Variants in CFAP74 observed in about 807,000 individuals in gnomAD.
CFAP74 encodes the protein cilia and flagella associated protein 74.
In CFAP74, 124 loss-of-function variants were observed where a neutral mutation model predicts 188.9. That is an observed-to-expected ratio of 0.66 (90% CI 0.57 to 0.76). The LOEUF (loss-of-function observed/expected upper bound fraction) is 0.76, where lower values mean the gene tolerates loss of function less well. Ranked by LOEUF, CFAP74 falls within the 30% of genes least tolerant of loss-of-function variation. The pLI is 0.00. For synonymous variants in CFAP74, 956 were observed against 916.7 expected (o/e 1.04, Z -0.77); for missense variants, 2,198 against 2,165.2 (o/e 1.02, Z -0.30).
chr1:1,929,506 C>T (rs1351120925), intron 26 of CFAP74, among the ~76,000 whole-genome samples: 2 of 144,958 alleles, frequency 1.4e-5, no homozygotes, highest in Admixed American at 6.9e-5. Flanking sequence ...GAGTGGCTTT[C>T]GCTAAGTTGA....
chr1:1,985,936 C>T (rs1187535290), intron 5 of CFAP74, among the ~76,000 whole-genome samples: 1 of 152,258 alleles, frequency 6.6e-6, no homozygotes, highest in Non-Finnish European at 1.5e-5. Context: ...GACCACTTCC[C>T]GGGCGGTGGG....
At chr1:1,972,901 G>T in intron 8 of CFAP74, 36 bp downstream of exon 8, 1 of 1,317,700 alleles carries the variant, frequency 7.6e-7, no homozygotes, top group Non-Finnish European at 1.1e-6. Context: ...CCGTATTCTT[G>T]GGTTTCTCCT....
intron 6 of CFAP74, among the ~76,000 whole-genome samples, chr1:1,974,448 G>A (rs1011512775): frequency 1.3e-5 from 2 of 152,188 alleles, no homozygotes; most frequent in African/African-American, 4.8e-5. Flanking sequence ...ACTCCCGCGT[G>A]CCACCTGCCG....
chr1:1,973,171 G>T lies in CFAP74; in HGVS notation c.675-124C>A, dbSNP rs963961411. The T allele has an allele frequency of 1.5e-6, 1 of 664,260 alleles. No homozygotes were observed. Among genetic ancestry groups the T allele is most frequent in the Non-Finnish European group, 2.6e-6 (1 of 388,008 alleles). 41.1% of individuals were successfully genotyped at this position (664,260 alleles called of 1,614,324 possible). ...GGGCCCTTTCGCTCAGCTCTGTCCC[G>T]CACAGCCTCCCTTGGGGAGGAGCGA... On this transcript the variant is annotated intron_variant, in intron 7 of 38. Coordinates refer to ENST00000682832, the MANE Select transcript of CFAP74 (RefSeq NM_001304360.2). This position sits in a 1 kb window ranked among gnomAD's most constrained non-coding sequence, Gnocchi z 6.2.
chr1:1,989,208 G>T (rs973158668), intron 2 of CFAP74, among the ~76,000 whole-genome samples: 1 of 152,100 alleles, frequency 6.6e-6, no homozygotes, highest in East Asian at 1.9e-4. Flanking sequence ...GACGGACAGC[G>T]GGGAGCAAGG....
At chr1:1,981,754 C>T (rs868194929) in intron 6 of CFAP74, among the ~76,000 whole-genome samples, 1,105 of 64,918 alleles carry the variant, frequency 0.017, 31 homozygotes, top group Middle Eastern at 0.034. Flanking sequence ...CACCCAGCCG[C>T]GGTCACACGC....
intron 18 of CFAP74, among the ~76,000 whole-genome samples, chr1:1,947,692 G>A (rs1653866422): frequency 6.6e-6 from 1 of 152,228 alleles, no homozygotes; most frequent in South Asian, 2.1e-4. Flanking sequence ...TGCCCGGTCG[G>A]GTCAGAGCAG....
chr1:1,980,488 G>A (rs1656766341), intron 6 of CFAP74, among the ~76,000 whole-genome samples: 1 of 146,588 alleles, frequency 6.8e-6, no homozygotes, highest in African/African-American at 2.6e-5. Context: ...ACAGATCGCA[G>A]TGGGCGCCTC....
At chr1:1,971,021 T>A (rs376032361) in intron 9 of CFAP74, among the ~76,000 whole-genome samples, 1 of 123,824 alleles carries the variant, frequency 8.1e-6, no homozygotes, top group South Asian at 2.8e-4. Flanking sequence ...CATGCACACA[T>A]CACACATGCA....
intron 6 of CFAP74, among the ~76,000 whole-genome samples, chr1:1,981,483 C>T (rs1303487630): frequency 1.4e-5 from 2 of 138,822 alleles, no homozygotes; most frequent in Admixed American, 7.0e-5. Context: ...CGGTCACACG[C>T]GGGGGCACGC....
chr1:1,933,650 A>G (rs1652594607), intron 25 of CFAP74, among the ~76,000 whole-genome samples: 1 of 152,088 alleles, frequency 6.6e-6, no homozygotes, highest in Admixed American at 6.5e-5. Flanking sequence ...CGCTCCTGAT[A>G]TTGATGGTTT....
Position 1,959,215 on chromosome 1 carries a change from A to T in CFAP74, c.1762-6T>A, listed in dbSNP as rs780334679. The T allele has an allele frequency of 6.3e-7, 1 of 1,576,614 alleles. No homozygotes were observed. Among genetic ancestry groups the T allele is most frequent in the East Asian group, 2.2e-5 (1 of 44,700 alleles). On this transcript the variant is annotated splice_polypyrimidine_tract_variant and splice_region_variant and intron_variant, in intron 15 of 38. Coordinates refer to ENST00000682832, the MANE Select transcript of CFAP74 (RefSeq NM_001304360.2). Reference sequence around the variant, plus strand: ...CCTTCTAGATCCTTGTTTATCTAAAACATAAAACAACCCCCACCACAATAC... The same window carrying T: ...CCTTCTAGATCCTTGTTTATCTAAATCATAAAACAACCCCCACCACAATAC...
chr1:1,988,900 C>T lies in CFAP74; in HGVS notation c.141G>A (p.Pro47=), dbSNP rs775547059. The T allele has an allele frequency of 2.7e-5, 40 of 1,481,098 alleles. No individual in the cohort carries two copies. The highest frequency in any genetic ancestry group is 1.8e-4 in the Middle Eastern group (1 of 5,516). The allele number at this position is 1,481,098 out of a possible 1,614,324, so 91.7% of individuals were successfully genotyped here. Residue 47 remains proline (P), a synonymous_variant, in exon 3 of 39, where the codon CCG becomes CCA. Coordinates refer to ENST00000682832, the MANE Select transcript of CFAP74 (RefSeq NM_001304360.2). ...ATCCTCCGAGTTACCTGCTGTGTCC[C>T]GGGTCCACGTCATCCTCAGCTTCCT... ...LLQEAEDDVD[P]GHSSSVKELD... is the part of the protein sequence containing the mutation.
chr1:1,948,412 AAT>A (rs56005703), intron 18 of CFAP74, among the ~76,000 whole-genome samples: 4 of 144,402 alleles, frequency 2.8e-5, no homozygotes, highest in East Asian at 2.0e-4. Flanking sequence ...GGCATATATA[AAT>A]ATATATATAT....
Position 1,973,263 on chromosome 1 carries a change from G to C in CFAP74, c.675-216C>G, listed in dbSNP as rs1454469858. Among the ~76,000 whole-genome samples the C allele has an allele frequency of 6.6e-6, 1 of 152,238 alleles. No homozygotes were observed. The highest frequency in any genetic ancestry group is 1.5e-5 in the Non-Finnish European group (1 of 68,046). On this transcript the variant is annotated intron_variant, in intron 7 of 38. Transcript: ENST00000682832. This position sits in a 1 kb window ranked among gnomAD's most constrained non-coding sequence, Gnocchi z 6.2. Reference sequence around the variant, plus strand: ...AACTCTCCACGCTACTGGGGCTCCAGTGCCAGGGAGCCACCAAAGGCAAGG... The same window carrying C: ...AACTCTCCACGCTACTGGGGCTCCACTGCCAGGGAGCCACCAAAGGCAAGG...
intron 25 of CFAP74, among the ~76,000 whole-genome samples, chr1:1,937,254 T>G (rs561393438): frequency 1.3e-5 from 2 of 152,374 alleles, no homozygotes; most frequent in African/African-American, 2.4e-5. Flanking sequence ...CCAGCGTGGC[T>G]TTTGAAGTGG....
intron 14 of CFAP74, among the ~76,000 whole-genome samples, chr1:1,960,739 T>C (rs1263429453): frequency 1.3e-5 from 2 of 152,112 alleles, no homozygotes; most frequent in Non-Finnish European, 2.9e-5. Context: ...CCAAAGCTCC[T>C]CCAATTGGGA....
intron 2 of CFAP74, among the ~76,000 whole-genome samples, chr1:1,990,546 G>A (rs1024658141): frequency 2.6e-5 from 4 of 152,142 alleles, no homozygotes; most frequent in African/African-American, 4.8e-5. Flanking sequence ...ATCAAGGCAC[G>A]TCTCAGTAAC....
At position 1,946,230 on chromosome 1, in the gene CFAP74, C is replaced by A; in HGVS notation, c.2364+87G>T. The A allele has an allele frequency of 2.1e-6, 3 of 1,440,684 alleles. No individual in the cohort carries two copies. The East Asian group carries it at 7.5e-5, about 36-fold the overall frequency. 89.2% of individuals were successfully genotyped at this position (1,440,684 alleles called of 1,614,324 possible). On this transcript the variant is annotated intron_variant, in intron 20 of 38. Transcript: ENST00000682832. Reference sequence around the variant, plus strand: ...TGGCCATCCCTGCGTGGGCAAATGGCGACCTTGTGGCCAAGGGCAGCTGCC... The same window carrying A: ...TGGCCATCCCTGCGTGGGCAAATGGAGACCTTGTGGCCAAGGGCAGCTGCC...
Sources: allele counts gnomAD v4.1 joint callset (sites outside exome capture counted in the v4.1 genomes callset), GRCh38; gene constraint gnomAD v4.1.1; non-coding constraint Gnocchi (gnomAD v3.1); transcripts MANE v1.5; gene names NCBI Gene and HGNC (gene_info 2026-07-23, HGNC 2026-07-21).